C16orf89: variants seen among roughly 807,000 people sequenced by gnomAD.
The protein encoded by C16orf89 is chromosome 16 open reading frame 89.
A neutral mutation model predicts 41.5 loss-of-function variants in C16orf89; 57 were observed. That is an observed-to-expected ratio of 1.38 (90% CI 1.11 to 1.71). The LOEUF (loss-of-function observed/expected upper bound fraction) is 1.71. C16orf89 is among the 40% of genes most tolerant of loss of function. The pLI is 0.00. For missense variants in C16orf89, 575 were observed against 445.9 expected, an observed-to-expected ratio of 1.29 and a Z score of -2.61; for synonymous variants, 223 against 190.6, an observed-to-expected ratio of 1.17 and a Z score of -1.40.
intron 6 of C16orf89, among the ~76,000 whole-genome samples, chr16:5,049,886 A>G (rs530700118): frequency 6.6e-6 from 1 of 152,298 alleles, no homozygotes; most frequent in African/African-American, 2.4e-5. Flanking sequence ...TAAAGAAACA[A>G]TAGGAAAGAT....
intron 1 of C16orf89, 45 bp from the exon 2 acceptor site, chr16:5,062,619 A>AC: frequency 6.6e-7 from 1 of 1,515,738 alleles, no homozygotes; most frequent in Non-Finnish European, 8.9e-7. Context: ...TGGAATCGGG[A>AC]CCTTTTTTTG....
chr16:5,050,319 G>A (rs997492963), intron 6 of C16orf89, among the ~76,000 whole-genome samples: 5 of 151,858 alleles, frequency 3.3e-5, no homozygotes, highest in African/African-American at 1.2e-4. Context: ...AGTGAGCTGA[G>A]ATTGCGCCAC....
intron 1 of C16orf89, among the ~76,000 whole-genome samples, chr16:5,064,944 A>G (rs1276896671): frequency 1.3e-5 from 2 of 152,194 alleles, no homozygotes; most frequent in East Asian, 1.9e-4. Context: ...ACCCCATGCA[A>G]TGCACCTGGG....
In C16orf89 at chr16:5,065,917, T is replaced by C. The variant is rs1338657972; in HGVS notation, c.-9A>G. 5 of 1,611,844 alleles carry C rather than the reference T, an allele frequency of 3.1e-6. No homozygotes were observed. Among genetic ancestry groups the C allele is most frequent in the South Asian group, 1.1e-5 (1 of 90,716 alleles). ...AGCCCCAGGCTGGCCATGGCCGGCCTCTGCTCACTGCTGGTCACACGCTCA... is the reference window on the plus strand; with the variant it reads ...AGCCCCAGGCTGGCCATGGCCGGCCCCTGCTCACTGCTGGTCACACGCTCA... On this transcript the variant is annotated 5_prime_UTR_variant, in exon 1 of 8. Transcript: ENST00000472572.
At position 5,058,529 on chromosome 16, in the gene C16orf89, C is replaced by A; in HGVS notation, c.591G>T (p.Leu197=). The A allele has an allele frequency of 1.2e-6, 2 of 1,612,342 alleles. No individual in the cohort carries two copies. Among genetic ancestry groups the A allele is most frequent in the Non-Finnish European group, 1.7e-6 (2 of 1,179,596 alleles). ...MTKPGCSGYC[L]SHQLLFFLWA... is the part of the protein sequence containing the mutation. ...AGAGGAAGAAGAGCAGTTGGTGGGACAGGCAGTAGCCTGAGCAGCCGGGCT... is the reference window on the plus strand; with the variant it reads ...AGAGGAAGAAGAGCAGTTGGTGGGAAAGGCAGTAGCCTGAGCAGCCGGGCT... Residue 197 remains leucine, a synonymous_variant, in exon 4 of 8, where the codon CTG becomes CTT. Coordinates refer to ENST00000472572, the MANE Select transcript of C16orf89 (RefSeq NM_001098514.3).
chr16:5,061,815 G>T (rs1956633186), intron 2 of C16orf89, among the ~76,000 whole-genome samples: 2 of 152,122 alleles, frequency 1.3e-5, no homozygotes, highest in African/African-American at 4.8e-5. Flanking sequence ...AGGGGACAGG[G>T]TTGGAGCAGC....
intron 7 of C16orf89, among the ~76,000 whole-genome samples, chr16:5,045,979 G>A (rs1475171147): frequency 2.0e-5 from 3 of 152,124 alleles, no homozygotes; most frequent in Admixed American, 6.5e-5. Context: ...CTCGTGTTGG[G>A]CTCTGGGGAC....
chr16:5,046,528 T>G (rs1956301506), intron 7 of C16orf89, among the ~76,000 whole-genome samples: 2 of 151,928 alleles, frequency 1.3e-5, no homozygotes, highest in South Asian at 4.2e-4. Flanking sequence ...TTTTTGCATT[T>G]TTAGTAGAGA....
At chr16:5,055,447 C>A in intron 5 of C16orf89, 97 bp from the exon 6 acceptor site, 1 of 1,186,684 alleles carries the variant, frequency 8.4e-7, no homozygotes, top group Non-Finnish European at 1.2e-6. Flanking sequence ...CTTCATCTGC[C>A]TGGGTTAGGC....
chr16:5,050,836 T>A (rs555147139), intron 6 of C16orf89, among the ~76,000 whole-genome samples: 16 of 152,194 alleles, frequency 1.1e-4, no homozygotes, highest in East Asian at 1.9e-4. Context: ...TTTTGCATTT[T>A]AAAAAAAATC....
chr16:5,060,427 A>G lies in C16orf89; in HGVS notation c.368T>C (p.Leu123Pro), dbSNP rs755467339. The G allele has an allele frequency of 1.2e-6, 2 of 1,612,616 alleles. No individual in the cohort carries two copies. The highest frequency in any genetic ancestry group is 1.7e-6 in the Non-Finnish European group (2 of 1,179,344). The change falls in exon 3 of 8, where the codon CTG (leucine) becomes CCG (proline). Residue 123 changes from leucine to proline, a missense_variant. Physicochemically the swap from Leu to Pro is moderately conservative, Grantham distance 98 (BLOSUM62 -3). Transcript: ENST00000472572. ...CTTCCAAAACCCGGGCTGGAGGGTC[A>G]GCTGGAACTCTGGCAGAGAGGACAG... ...SDPKYLREFQLTLQPGFWKLP... is the reference protein window; with the variant it reads ...SDPKYLREFQPTLQPGFWKLP...
chr16:5,044,239 C>A lies in C16orf89; in HGVS notation c.*109G>T. 9 of 1,447,814 alleles carry A rather than the reference C, an allele frequency of 6.2e-6. No homozygotes were observed. Among genetic ancestry groups the A allele is most frequent in the Non-Finnish European group, 8.1e-6 (9 of 1,105,364 alleles). The allele number at this position is 1,447,814 out of a possible 1,614,324, so 89.7% of individuals were successfully genotyped here. On this transcript the variant is annotated 3_prime_UTR_variant, in exon 8 of 8. Transcript: ENST00000472572. ...TGGGTGTCGGGGTGGCTTTGCTTAT[C>A]CTCCAGATGCCTTCTTCCCAGGATG... is the stretch of plus-strand genomic sequence containing the variant.
chr16:5,060,458 TGG>T, intron 2 of C16orf89, 22 bp from the exon 3 acceptor site: 1 of 1,602,762 alleles, frequency 6.2e-7, no homozygotes, highest in Non-Finnish European at 8.5e-7. Flanking sequence ...GACAGATAGA[TGG>T]GGTGGGGTGT....
chr16:5,057,401 A>G (rs1027885888), intron 4 of C16orf89, among the ~76,000 whole-genome samples: 13 of 147,978 alleles, frequency 8.8e-5, no homozygotes, highest in African/African-American at 2.2e-4. Flanking sequence ...ATATAGTGGT[A>G]TATATATAGT....
At chr16:5,043,224 C>G (rs1406037782), downstream of C16orf89, 1 of 152,834 alleles carries the variant, frequency 6.5e-6, no homozygotes, top group Non-Finnish European at 1.5e-5. Context: ...ACTACTGCAC[C>G]CAGTGAGGGT....
At position 5,044,405 on chromosome 16, in the gene C16orf89, G is replaced by T; in HGVS notation, c.1029C>A (p.Tyr343Ter). 1 of 1,612,760 alleles carries T rather than the reference G, an allele frequency of 6.2e-7. No individual in the cohort carries two copies. The highest frequency in any genetic ancestry group is 8.5e-7 in the Non-Finnish European group (1 of 1,179,634). ...LGGFLYILAE[Y>*]PPANREPHPS... ...GGTGTGGCTCTCTGTTTGCTGGGGG[G>T]TATTCTGCCAGGATGTATAGGAAGC... Residue 343 changes from tyrosine to a stop codon, truncating the protein, a stop_gained, in exon 8 of 8, where the codon TAC becomes TAA. Transcript: ENST00000472572. LOFTEE classifies it low-confidence loss of function (END_TRUNC).
rs547821692 is a variant in C16orf89 at position 5,047,994 on chromosome 16, A to G, written c.869-30T>C. ...GAGAAGAGCAAAAGTTGAACTTCTC[A>G]AGAGAGATTTTTATTTTTTACATTT... On this transcript the variant is annotated intron_variant, in intron 6 of 7. Coordinates refer to ENST00000472572, the MANE Select transcript of C16orf89 (RefSeq NM_001098514.3). 1.3e-5 allele frequency: 15 copies of G among 1,163,356 alleles called. No individual in the cohort carries two copies. The East Asian group carries it at 3.3e-4, about 26-fold the overall frequency. 72.1% of individuals were successfully genotyped at this position (1,163,356 alleles called of 1,614,324 possible).
At chr16:5,045,283 G>T (rs1956274501) in intron 7 of C16orf89, among the ~76,000 whole-genome samples, 1 of 152,224 alleles carries the variant, frequency 6.6e-6, no homozygotes, top group Admixed American at 6.5e-5. Context: ...TGACTCCACA[G>T]CTCATTTCCT....
intron 4 of C16orf89, among the ~76,000 whole-genome samples, chr16:5,057,277 T>A (rs1956528496): frequency 7.5e-6 from 1 of 133,920 alleles, no homozygotes; most frequent in Non-Finnish European, 1.6e-5. Context: ...CATATATATA[T>A]GTATATATAT....
Sources: gnomAD v4.1 joint callset for allele counts (sites outside exome capture counted in the v4.1 genomes callset) on GRCh38, gnomAD v4.1.1 for gene constraint, MANE v1.5 for transcripts, NCBI Gene and HGNC (gene_info 2026-07-23, HGNC 2026-07-21) for gene names.